SEMA5A: variants seen among roughly 807,000 people sequenced by gnomAD.
SEMA5A encodes semaphorin-5A.
Under a neutral mutation model 135.5 loss-of-function variants are expected in SEMA5A, and 55 were observed. That is an observed-to-expected ratio of 0.41 (90% confidence interval 0.33 to 0.51). The LOEUF is 0.51. Among genes scored for constraint, SEMA5A ranks in the 20% least tolerant of loss-of-function variants. SEMA5A has a pLI of 0.37. For missense variants in SEMA5A, 1,290 were observed against 1,419.9 expected, an observed-to-expected ratio of 0.91 and a Z score of 1.47; for synonymous variants, 580 against 546.5, an observed-to-expected ratio of 1.06 and a Z score of -0.85.
intron 4 of SEMA5A, among the ~76,000 whole-genome samples, chr5:9,328,815 A>C (rs1024942288): frequency 3.9e-5 from 6 of 152,124 alleles, no homozygotes; most frequent in African/African-American, 4.8e-5. Flanking sequence ...ACTTCCGGAA[A>C]GTGGAATTCA....
At chr5:9,223,432 A>G (rs1022864907) in intron 8 of SEMA5A, among the ~76,000 whole-genome samples, 4 of 152,178 alleles carry the variant, frequency 2.6e-5, no homozygotes, top group African/African-American at 7.2e-5. Context: ...CCCAGGGGGT[A>G]CTGAAAAATT....
chr5:9,282,946 A>G lies in SEMA5A; in HGVS notation c.270+35426T>C, dbSNP rs1483035018. 2.6e-5 allele frequency among the ~76,000 whole-genome samples: 4 copies of G among 152,300 alleles called. No individual in the cohort carries two copies. In the East Asian group the frequency reaches 5.8e-4, roughly 22 times the overall value. On this transcript the variant is annotated intron_variant, in intron 5 of 22. Transcript: ENST00000382496. Reference sequence around the variant, plus strand: ...GTAGCTTGTAGAAGCTGGAAAAGGCAAGGAACCTGACTCTCCATAGAAGAG... The same window carrying G: ...GTAGCTTGTAGAAGCTGGAAAAGGCGAGGAACCTGACTCTCCATAGAAGAG...
At chr5:9,238,555 C>T (rs1048638262) in intron 5 of SEMA5A, among the ~76,000 whole-genome samples, 1 of 152,064 alleles carries the variant, frequency 6.6e-6, no homozygotes, top group African/African-American at 2.4e-5. Flanking sequence ...GCTATGTGTG[C>T]TTCCACGTCT....
chr5:9,452,429 A>G (rs1029534144), intron 1 of SEMA5A, among the ~76,000 whole-genome samples: 20 of 152,216 alleles, frequency 1.3e-4, no homozygotes, highest in Non-Finnish European at 2.8e-4. Flanking sequence ...ATCCAGTCAC[A>G]GCCAGCGTTC....
intron 16 of SEMA5A, among the ~76,000 whole-genome samples, chr5:9,097,632 A>G (rs1323924666): frequency 6.6e-6 from 1 of 152,218 alleles, no homozygotes; most frequent in Non-Finnish European, 1.5e-5. Context: ...ACATTGAATG[A>G]GCAGAGCTAA....
chr5:9,042,877 A>G lies in SEMA5A; in HGVS notation c.*20T>C. ...CTTGAGGAACTGGGGATTTACAAGA[A>G]GCCAAAAACATGAAAGCTGTTAGTA... On this transcript the variant is annotated 3_prime_UTR_variant, in exon 23 of 23. Transcript: ENST00000382496. 6.2e-7 allele frequency: 1 copy of G among 1,613,722 alleles called. No individual in the cohort carries two copies. The highest frequency in any genetic ancestry group is 8.5e-7 in the Non-Finnish European group (1 of 1,179,818).
rs5865830 is a variant in SEMA5A, at chr5:9,385,794, C to CTTTTT, written c.-77-5776_-77-5772dup. 1.6e-3 allele frequency among the ~76,000 whole-genome samples: 180 copies of CTTTTT among 109,928 alleles called. 8 individuals carry two copies. The highest frequency in any genetic ancestry group is 5.9e-3 in the Middle Eastern group (1 of 170). 72.1% of individuals were successfully genotyped at this position (109,928 alleles called of 152,430 possible). A position where few individuals can be genotyped will look rare whatever the true frequency, so the allele number is the denominator to read the frequency against. On this transcript the variant is annotated intron_variant, in intron 2 of 22. Coordinates refer to ENST00000382496, the MANE Select transcript of SEMA5A (RefSeq NM_003966.3). ...TTGCAGGAGAAGGAGTTGGAAAGCG[C>CTTTTT]TTTTTTTTTTTTTTTTTTTTGAGAC...
intron 16 of SEMA5A, among the ~76,000 whole-genome samples, chr5:9,082,522 G>C (rs1256188260): frequency 6.6e-6 from 1 of 152,136 alleles, no homozygotes; most frequent in African/African-American, 2.4e-5. Context: ...TCATTGTTCT[G>C]TGTTATAAGC....
In SEMA5A at chr5:9,202,247, A is replaced by C; in HGVS notation, c.647-7T>G. The C allele has an allele frequency of 6.2e-7, 1 of 1,609,412 alleles. No individual in the cohort carries two copies. ...GATGACACAAAGTTTGGCTCTGGAAACAATAGAAAAGAGGGAAAAAATCTC... is the reference window on the plus strand; with the variant it reads ...GATGACACAAAGTTTGGCTCTGGAACCAATAGAAAAGAGGGAAAAAATCTC... On this transcript the variant is annotated splice_region_variant and splice_polypyrimidine_tract_variant and intron_variant, in intron 8 of 22. Transcript: ENST00000382496.
chr5:9,127,768 C>T (rs1196563427), intron 13 of SEMA5A, among the ~76,000 whole-genome samples: 1 of 152,096 alleles, frequency 6.6e-6, no homozygotes, highest in Non-Finnish European at 1.5e-5. Flanking sequence ...TTTCCAAGCC[C>T]CTTTGGTCTC....
At chr5:9,081,556 CT>C (rs1738386805) in intron 16 of SEMA5A, among the ~76,000 whole-genome samples, 1 of 152,022 alleles carries the variant, frequency 6.6e-6, no homozygotes, top group Non-Finnish European at 1.5e-5. Context: ...CCAATGCTTT[CT>C]CATGAAAAAG....
chr5:9,463,446 GT>G (rs565804821), intron 1 of SEMA5A, among the ~76,000 whole-genome samples: 23 of 149,544 alleles, frequency 1.5e-4, no homozygotes, highest in African/African-American at 3.4e-4. Flanking sequence ...AGGCAAGTTA[GT>G]TTTTTTTTTA....
chr5:9,235,785 G>T (rs1747875918), intron 6 of SEMA5A, among the ~76,000 whole-genome samples: 1 of 152,186 alleles, frequency 6.6e-6, no homozygotes, highest in African/African-American at 2.4e-5. Context: ...CAAAGTACCA[G>T]AAGGAAGATA....
chr5:9,264,071 G>A (rs547890677), intron 5 of SEMA5A, among the ~76,000 whole-genome samples: 2 of 152,268 alleles, frequency 1.3e-5, no homozygotes, highest in East Asian at 1.9e-4. Flanking sequence ...ACATGAGTCT[G>A]TGATGAAAGA....
At chr5:9,108,021 G>C in intron 16 of SEMA5A, 119 bp downstream of exon 16, 1 of 1,280,746 alleles carries the variant, frequency 7.8e-7, no homozygotes, top group Non-Finnish European at 1.1e-6. Context: ...AGAGCCTCTA[G>C]TGTGTGCAGA....
At chr5:9,463,923 G>T (rs1561274186) in intron 1 of SEMA5A, among the ~76,000 whole-genome samples, 1 of 152,262 alleles carries the variant, frequency 6.6e-6, no homozygotes, top group Admixed American at 6.5e-5. Context: ...TGTTGTTACT[G>T]GTTGATAAGC....
chr5:9,088,093 G>A (rs1402703299), intron 16 of SEMA5A, among the ~76,000 whole-genome samples: 1 of 152,144 alleles, frequency 6.6e-6, no homozygotes, highest in Admixed American at 6.5e-5. Context: ...CAGATCACGA[G>A]GTCAAAAGAT....
chr5:9,413,027 T>G (rs1757159492), intron 2 of SEMA5A, among the ~76,000 whole-genome samples: 1 of 152,216 alleles, frequency 6.6e-6, no homozygotes, highest in Non-Finnish European at 1.5e-5. Context: ...GTGAAATGTA[T>G]GCATAACAAG....
At chr5:9,124,467 T>C (rs377005672) in intron 13 of SEMA5A, among the ~76,000 whole-genome samples, 58 of 152,258 alleles carry the variant, frequency 3.8e-4, no homozygotes, top group African/African-American at 1.4e-3. Context: ...TTGGTTGTTG[T>C]TGTTTTTGAG....
Sources: allele counts gnomAD v4.1 joint callset (sites outside exome capture counted in the v4.1 genomes callset), GRCh38; gene constraint gnomAD v4.1.1; transcripts MANE v1.5; gene names NCBI Gene and HGNC (gene_info 2026-07-23, HGNC 2026-07-21).